Variants in SCN2A observed in about 807,000 individuals in gnomAD.
The protein encoded by SCN2A is sodium voltage-gated channel alpha subunit 2.
In SCN2A, 20 loss-of-function variants were observed where a neutral mutation model predicts 188.7. The ratio of observed to expected loss-of-function variants is 0.11; its 90% CI spans 0.07 to 0.15. SCN2A has a LOEUF of 0.15. Ranked by LOEUF, SCN2A falls within the 10% of genes least tolerant of loss-of-function variation. The probability of loss-of-function intolerance (pLI) is 1.00; values close to 1 mark genes in which losing one functional copy is unlikely to be tolerated. For synonymous variants in SCN2A, 804 were observed against 833.1 expected (o/e 0.97, Z 0.60); for missense variants, 1,278 against 2,445.0 (o/e 0.52, Z 10.07).
chr2:165,340,177 A>G (rs955063774), intron 14 of SCN2A, among the ~76,000 whole-genome samples: 3 of 152,234 alleles, frequency 2.0e-5, no homozygotes, highest in Non-Finnish European at 2.9e-5. Flanking sequence ...TAAATCAATA[A>G]AACATCTGAA....
chr2:165,344,462 TAAAAATAAAAAATAA>T (rs1699466441), intron 15 of SCN2A, 78 bp from the exon 16 acceptor site: 5 of 807,296 alleles, frequency 6.2e-6, no homozygotes, highest in Admixed American at 4.2e-5. Context: ...TAAAATAAAA[TAAAAATAAAAAATAA>T]AAAAATAAAA....
intron 16 of SCN2A, among the ~76,000 whole-genome samples, chr2:165,350,657 A>G (rs1232939926): frequency 7.0e-6 from 1 of 142,012 alleles, no homozygotes; most frequent in Admixed American, 7.1e-5. Flanking sequence ...TATTTTTAGT[A>G]GAGACGGGGT....
At chr2:165,243,365 G>A (rs1393040434) in intron 1 of SCN2A, among the ~76,000 whole-genome samples, 2 of 152,078 alleles carry the variant, frequency 1.3e-5, no homozygotes, top group Admixed American at 6.6e-5. Flanking sequence ...CACTTTGGGA[G>A]GCCGAGGTGG....
chr2:165,321,930 T>C (rs1237658165), intron 11 of SCN2A, among the ~76,000 whole-genome samples: 1 of 152,146 alleles, frequency 6.6e-6, no homozygotes, highest in African/African-American at 2.4e-5. Flanking sequence ...CCAATAATAC[T>C]TAAATGATGA....
Position 165,326,962 on chromosome 2 carries a change from T to C in SCN2A, c.2127T>C (p.Ser709=). 1 of 1,614,052 alleles carries C rather than the reference T, an allele frequency of 6.2e-7. No homozygotes were observed. Residue 709 remains serine (S), a synonymous_variant, in exon 13 of 27, where the codon AGT becomes AGC. Coordinates refer to ENST00000375437, the MANE Select transcript of SCN2A (RefSeq NM_001040142.2). ...TSRQRAMSIA[S]ILTNTMEELE... ...GGCAAAGAGCAATGAGTATAGCCAG[T>C]ATTTTGACCAACACCATGGAAGGTA... is the stretch of plus-strand genomic sequence containing the variant.
At chr2:165,349,033 C>G (rs1699751477) in intron 16 of SCN2A, among the ~76,000 whole-genome samples, 1 of 152,162 alleles carries the variant, frequency 6.6e-6, no homozygotes. Flanking sequence ...CCCAAGACAA[C>G]TTTAAAATGT....
At chr2:165,275,754 A>G (rs1559331248) in intron 1 of SCN2A, among the ~76,000 whole-genome samples, 1 of 151,680 alleles carries the variant, frequency 6.6e-6, no homozygotes, top group Admixed American at 6.6e-5. Flanking sequence ...TTTTTTTCCA[A>G]GACAGAGTCT....
Position 165,242,791 on chromosome 2 carries a change from C to G in SCN2A, c.-52+3151C>G, listed in dbSNP as rs560085080. On this transcript the variant is annotated intron_variant, in intron 1 of 26. Transcript: ENST00000375437. ...AAGTACACCAAGGTCGTGGAAGAGA[C>G]AGAAGGAAGGTTTGAAAATGCTTTT... 3.9e-5 allele frequency among the ~76,000 whole-genome samples: 6 copies of G among 152,200 alleles called. No individual in the cohort carries two copies. The South Asian group carries it at 1.2e-3, about 32-fold the overall frequency.
intron 1 of SCN2A, among the ~76,000 whole-genome samples, chr2:165,276,463 G>A (rs1382708008): frequency 2.0e-5 from 3 of 152,088 alleles, no homozygotes; most frequent in African/African-American, 7.2e-5. Flanking sequence ...TATAATATGA[G>A]CCCAACAAAG....
At chr2:165,356,819 G>T (rs1473576546) in intron 17 of SCN2A, among the ~76,000 whole-genome samples, 1 of 152,152 alleles carries the variant, frequency 6.6e-6, no homozygotes, top group African/African-American at 2.4e-5. Flanking sequence ...GTGATGTGGG[G>T]TTTAGAGTAG....
At chr2:165,375,520 C>T (rs747500447) in intron 22 of SCN2A, among the ~76,000 whole-genome samples, 4 of 151,440 alleles carry the variant, frequency 2.6e-5, no homozygotes, top group African/African-American at 4.9e-5. Context: ...TGTATGTGTG[C>T]GTGTATATAG....
At chr2:165,294,146 A>G (rs1367816542) in intron 1 of SCN2A, 1 of 944,108 alleles carries the variant, frequency 1.1e-6, no homozygotes, top group Admixed American at 7.0e-5. Flanking sequence ...GTAATGTTTT[A>G]TTATTCTTAT....
At chr2:165,272,528 A>G (rs1394773462) in intron 1 of SCN2A, 1 of 152,076 alleles carries the variant, frequency 6.6e-6, no homozygotes, top group Non-Finnish European at 1.5e-5. Context: ...ACTGACATTT[A>G]TAGAATATTA....
chr2:165,326,754 A>G, intron 12 of SCN2A, 98 bp from the exon 13 acceptor site: 2 of 1,261,726 alleles, frequency 1.6e-6, no homozygotes, highest in East Asian at 4.7e-5. Context: ...CTGAGAAAGC[A>G]TGGTGTATAT....
chr2:165,294,040 A>AAAAT (rs780674346), intron 1 of SCN2A: 12 of 630,378 alleles, frequency 1.9e-5, no homozygotes, highest in East Asian at 1.7e-4. Flanking sequence ...AAAAAAAAAG[A>AAAAT]TTTTTTTTTT....
rs368545672 is a variant in SCN2A, at chr2:165,378,837, T to C, written c.4308+1187T>C. On this transcript the variant is annotated intron_variant, in intron 23 of 26. Transcript: ENST00000375437. ...AATTGAGCACTACATTTATGAAAAG[T>C]TGCTGGATCTTGAACTTTAATTAGT... Among the ~76,000 whole-genome samples, 24 of 151,930 alleles carry C rather than the reference T, an allele frequency of 1.6e-4. No individual in the cohort carries two copies. In the East Asian group the frequency reaches 3.3e-3, roughly 21 times the overall value.
At chr2:165,300,607 A>G (rs1047251789) in intron 3 of SCN2A, among the ~76,000 whole-genome samples, 3 of 152,142 alleles carry the variant, frequency 2.0e-5, no homozygotes, top group African/African-American at 7.2e-5. Flanking sequence ...GGAGAACAGC[A>G]AGTATGAAGG....
chr2:165,247,179 T>G (rs1344070985), intron 1 of SCN2A, among the ~76,000 whole-genome samples: 2 of 152,214 alleles, frequency 1.3e-5, no homozygotes, highest in African/African-American at 2.4e-5. Flanking sequence ...GCATTTTATT[T>G]CTCTGTCTCT....
At chr2:165,310,258 A>T in intron 6 of SCN2A, 65 bp from the exon 7 acceptor site, 1 of 1,529,032 alleles carries the variant, frequency 6.5e-7, no homozygotes, top group South Asian at 1.1e-5. Flanking sequence ...AGCTCATGAT[A>T]TTTTTGCCGG....
Sources: gnomAD v4.1 joint callset for allele counts (sites outside exome capture counted in the v4.1 genomes callset) on GRCh38, gnomAD v4.1.1 for gene constraint, MANE v1.5 for transcripts, NCBI Gene and HGNC (gene_info 2026-07-23, HGNC 2026-07-21) for gene names.